DENND1A: variants seen among roughly 807,000 people sequenced by gnomAD.
The protein encoded by DENND1A is DENN domain containing 1A, also known as DENN domain-containing protein 1A.
DENND1A carries 51 observed loss-of-function variants against 113.7 expected under a neutral mutation model. The ratio of observed to expected loss-of-function variants is 0.45; its 90% CI spans 0.36 to 0.57. The LOEUF (loss-of-function observed/expected upper bound fraction) is 0.57. DENND1A is among the 20% of genes least tolerant of loss of function. The pLI is 0.00. For missense variants in DENND1A, 1,258 were observed against 1,395.9 expected, an observed-to-expected ratio of 0.90 and a Z score of 1.57; for synonymous variants, 565 against 570.8, an observed-to-expected ratio of 0.99 and a Z score of 0.14.
intron 11 of DENND1A, among the ~76,000 whole-genome samples, chr9:123,604,238 C>A (rs1319485429): frequency 1.3e-5 from 2 of 152,222 alleles, no homozygotes; most frequent in East Asian, 3.8e-4. Flanking sequence ...CTGCTCTCTG[C>A]TCCCTGGTTT....
intron 1 of DENND1A, among the ~76,000 whole-genome samples, chr9:123,905,142 C>T (rs1420919603): frequency 6.6e-6 from 1 of 151,724 alleles, no homozygotes; most frequent in African/African-American, 2.4e-5. Context: ...AAATACTTTA[C>T]AGACAAGCAA....
chr9:123,900,101 A>G (rs981895746), intron 1 of DENND1A, among the ~76,000 whole-genome samples: 1 of 152,264 alleles, frequency 6.6e-6, no homozygotes, highest in Non-Finnish European at 1.5e-5. Flanking sequence ...GAAAAATAAC[A>G]GAAATATAAA....
At chr9:123,596,589 T>A (rs1314347133) in intron 11 of DENND1A, among the ~76,000 whole-genome samples, 1 of 152,160 alleles carries the variant, frequency 6.6e-6, no homozygotes, top group Non-Finnish European at 1.5e-5. Flanking sequence ...CAAAGCCTGG[T>A]GCCTTTCTCC....
intron 21 of DENND1A, among the ~76,000 whole-genome samples, 166 bp downstream of exon 21, chr9:123,403,236 G>A (rs1431978376): frequency 4.6e-5 from 7 of 152,220 alleles, no homozygotes. Flanking sequence ...CAACCAGACC[G>A]AGTAAAAGAT....
At chr9:123,718,669 C>T (rs1002445797) in intron 5 of DENND1A, among the ~76,000 whole-genome samples, 3 of 152,196 alleles carry the variant, frequency 2.0e-5, no homozygotes, top group Admixed American at 6.5e-5. Context: ...CTCTTCTGGA[C>T]TCTCTTGGCT....
chr9:123,607,488 G>GACACAC (rs10557656), intron 11 of DENND1A, among the ~76,000 whole-genome samples: 46 of 71,056 alleles, frequency 6.5e-4, no homozygotes, highest in East Asian at 2.4e-3. Context: ...CAGAGAGAGA[G>GACACAC]ACACACACAC....
Position 123,676,644 on chromosome 9 carries a change from T to C in DENND1A, c.372+76A>G, listed in dbSNP as rs1237266319. On this transcript the variant is annotated intron_variant, in intron 6 of 23. Coordinates refer to ENST00000394215, the MANE Select transcript of DENND1A (RefSeq NM_001352964.2). Reference sequence around the variant, plus strand: ...CATGCATCACTTTTTTGGTAAAATATAAGGCATGTTTTACTTTTTCATCAT... The same window carrying C: ...CATGCATCACTTTTTTGGTAAAATACAAGGCATGTTTTACTTTTTCATCAT... The C allele has an allele frequency of 3.5e-6, 5 of 1,413,010 alleles. No individual in the cohort carries two copies. In the South Asian group the frequency reaches 6.3e-5, roughly 18 times the overall value. 87.5% of individuals were successfully genotyped at this position (1,413,010 alleles called of 1,614,324 possible).
At chr9:123,546,385 A>G (rs988242543) in intron 13 of DENND1A, among the ~76,000 whole-genome samples, 4 of 146,262 alleles carry the variant, frequency 2.7e-5, no homozygotes, top group African/African-American at 1.0e-4. Context: ...CGTCTCTACT[A>G]AAAATACAAA....
At chr9:123,886,848 A>C (rs1849174207) in intron 1 of DENND1A, among the ~76,000 whole-genome samples, 1 of 152,232 alleles carries the variant, frequency 6.6e-6, no homozygotes, top group Non-Finnish European at 1.5e-5. Context: ...AAGTCGTTTC[A>C]AGACTACACT....
At chr9:123,541,670 G>T (rs1257872596) in intron 13 of DENND1A, among the ~76,000 whole-genome samples, 4 of 152,174 alleles carry the variant, frequency 2.6e-5, no homozygotes, top group African/African-American at 9.7e-5. Context: ...CAGTTAAAGG[G>T]TTTCCAAAAA....
chr9:123,663,151 T>A (rs976466976), intron 8 of DENND1A, among the ~76,000 whole-genome samples: 1 of 152,158 alleles, frequency 6.6e-6, no homozygotes, highest in South Asian at 2.1e-4. Context: ...TAAATAAGTA[T>A]GTCATTAAAA....
Position 123,595,815 on chromosome 9 carries a change from C to A in DENND1A, c.766-12545G>T, listed in dbSNP as rs527358867. ...GACGCTCGGTCAGTGCCAGCTGGCC[C>A]CCCTCTGGGAGCTGGGTTCTGCCAG... On this transcript the variant is annotated intron_variant, in intron 11 of 23. Coordinates refer to ENST00000394215, the MANE Select transcript of DENND1A (RefSeq NM_001352964.2). 1.1e-3 allele frequency among the ~76,000 whole-genome samples: 172 copies of A among 152,250 alleles called. 3 individuals are homozygous for A. In the South Asian group the frequency reaches 0.034, roughly 30 times the overall value.
At chr9:123,613,142 C>G (rs1462373886) in intron 10 of DENND1A, among the ~76,000 whole-genome samples, 2 of 152,182 alleles carry the variant, frequency 1.3e-5, no homozygotes, top group Non-Finnish European at 2.9e-5. Context: ...CCCGGATACT[C>G]CACTGAGTTC....
intron 19 of DENND1A, among the ~76,000 whole-genome samples, chr9:123,438,315 A>G (rs1413221931): frequency 6.6e-6 from 1 of 152,206 alleles, no homozygotes; most frequent in African/African-American, 2.4e-5. Flanking sequence ...CTCTGCAGCT[A>G]ATCTGTCACC....
At chr9:123,489,793 T>C (rs1020951749) in intron 13 of DENND1A, among the ~76,000 whole-genome samples, 1 of 152,200 alleles carries the variant, frequency 6.6e-6, no homozygotes, top group Non-Finnish European at 1.5e-5. Context: ...AGTCTCCTTA[T>C]GGGCAAAATG....
intron 13 of DENND1A, among the ~76,000 whole-genome samples, chr9:123,483,049 A>C (rs1322464722): frequency 6.6e-6 from 1 of 152,212 alleles, no homozygotes; most frequent in African/African-American, 2.4e-5. Context: ...TCTGCCAAGG[A>C]AGCACTGTGT....
At chr9:123,460,211 C>T (rs1308516503) in intron 13 of DENND1A, among the ~76,000 whole-genome samples, 2 of 152,190 alleles carry the variant, frequency 1.3e-5, no homozygotes, top group Non-Finnish European at 2.9e-5. Flanking sequence ...GCTTTATGTG[C>T]CATTTATTAC....
Position 123,672,855 on chromosome 9 carries a change from T to C in DENND1A, c.373-1484A>G, listed in dbSNP as rs147091896. On this transcript the variant is annotated intron_variant, in intron 6 of 23. Transcript: ENST00000394215. ...TCTGTTATAGCAGCAGAAAACAAACTAAGAGAATCATAATAATCTGGAAAT... is the reference window on the plus strand; with the variant it reads ...TCTGTTATAGCAGCAGAAAACAAACCAAGAGAATCATAATAATCTGGAAAT... Among the ~76,000 whole-genome samples the C allele has an allele frequency of 1.3e-3, 201 of 152,310 alleles. 1 individual carries two copies. Among genetic ancestry groups the C allele is most frequent in the African/African-American group, 4.6e-3 (193 of 41,560 alleles).
rs1444613698 is a variant in DENND1A, at chr9:123,757,922, C to T, written c.183-100G>A. The T allele has an allele frequency of 3.7e-6, 5 of 1,343,408 alleles. No individual in the cohort carries two copies. The Admixed American group carries it at 6.6e-5, about 18-fold the overall frequency. 83.2% of individuals were successfully genotyped at this position (1,343,408 alleles called of 1,614,324 possible). The stretch of plus-strand genomic sequence containing the variant: ...TCGTTGAACTTATAACATTTCCTCT[C>T]TCAGTGGAACTCTTAAAATTTACAC... On this transcript the variant is annotated intron_variant, in intron 4 of 23. Coordinates refer to ENST00000394215, the MANE Select transcript of DENND1A (RefSeq NM_001352964.2).
Sources: allele counts gnomAD v4.1 joint callset (sites outside exome capture counted in the v4.1 genomes callset), GRCh38; gene constraint gnomAD v4.1.1; transcripts MANE v1.5; gene names NCBI Gene and HGNC (gene_info 2026-07-23, HGNC 2026-07-21).